Variants in CCNY observed in about 807,000 individuals in gnomAD.
CCNY encodes cyclin-Y.
CCNY carries 19 observed loss-of-function variants against 42.8 expected under a neutral mutation model. That is an observed-to-expected ratio of 0.44 (90% CI 0.31 to 0.65). CCNY has a LOEUF of 0.65. CCNY is among the 30% of genes least tolerant of loss of function. CCNY has a pLI of 0.07. For missense variants in CCNY, 370 were observed against 437.3 expected (o/e 0.85, Z 1.37); for synonymous variants, 165 against 162.7 (o/e 1.01, Z -0.11).
chr10:35,353,279 C>A (rs1261088154), intron 1 of CCNY, among the ~76,000 whole-genome samples: 1 of 152,144 alleles, frequency 6.6e-6, no homozygotes, highest in Non-Finnish European at 1.5e-5. Flanking sequence ...TTGTTCGTAG[C>A]TTAGTCCCCA....
At chr10:35,324,376 T>A (rs1011407910) in intron 3 of CCNY, among the ~76,000 whole-genome samples, 2 of 152,226 alleles carry the variant, frequency 1.3e-5, no homozygotes, top group Non-Finnish European at 2.9e-5. Flanking sequence ...GCAATGCTAA[T>A]CTGAATACCT....
At chr10:35,422,815 A>G (rs576541081) in intron 1 of CCNY, among the ~76,000 whole-genome samples, 119 of 152,320 alleles carry the variant, frequency 7.8e-4, no homozygotes, top group South Asian at 6.6e-3. Context: ...TTTATCCTTC[A>G]TGATTTTTTT....
chr10:35,303,450 G>A (rs889435552), intron 3 of CCNY, among the ~76,000 whole-genome samples: 15 of 151,218 alleles, frequency 9.9e-5, no homozygotes, highest in African/African-American at 3.6e-4. Flanking sequence ...AGAGTGCTAG[G>A]ATTACAGGCG....
intron 1 of CCNY, among the ~76,000 whole-genome samples, chr10:35,400,089 T>G (rs1395722082): frequency 6.6e-6 from 1 of 151,952 alleles, no homozygotes; most frequent in African/African-American, 2.4e-5. Flanking sequence ...ATCGCAGATC[T>G]CCCTTGCCTG....
intron 3 of CCNY, among the ~76,000 whole-genome samples, chr10:35,255,205 T>TG (rs1180617228): frequency 6.6e-6 from 1 of 152,190 alleles, no homozygotes; most frequent in Non-Finnish European, 1.5e-5. Context: ...TTATTGACAG[T>TG]GGGGCATTAA....
chr10:35,367,373 G>T (rs1005141060), intron 1 of CCNY, among the ~76,000 whole-genome samples: 13 of 152,130 alleles, frequency 8.5e-5, no homozygotes, highest in African/African-American at 3.1e-4. Context: ...TGTAAAATGG[G>T]ACAGTAAAAA....
chr10:35,563,845 A>G (rs1228881717), intron 8 of CCNY, among the ~76,000 whole-genome samples: 1 of 145,902 alleles, frequency 6.9e-6, no homozygotes, highest in Non-Finnish European at 1.5e-5. Flanking sequence ...TAGCTGGGAT[A>G]TTAGAGGTGC....
At chr10:35,548,459 A>G (rs1282715662) in intron 7 of CCNY, among the ~76,000 whole-genome samples, 5 of 151,748 alleles carry the variant, frequency 3.3e-5, no homozygotes, top group South Asian at 4.2e-4. Flanking sequence ...CACCATGCCC[A>G]GCTAATTTTT....
rs144019991 is a variant in CCNY at position 35,421,145 on chromosome 10, C to T, written c.155-62259C>T. On this transcript the variant is annotated intron_variant, in intron 1 of 9. Coordinates refer to ENST00000374704, the MANE Select transcript of CCNY (RefSeq NM_145012.6). ...AAGGACCTGGCTGAGGACGGCCACACGGGTTGGACAGGCCGCTTCTGGAGA... is the reference window on the plus strand; with the variant it reads ...AAGGACCTGGCTGAGGACGGCCACATGGGTTGGACAGGCCGCTTCTGGAGA... 5.7e-3 allele frequency among the ~76,000 whole-genome samples: 867 copies of T among 152,268 alleles called. 4 individuals carry two copies. Among genetic ancestry groups the T allele is most frequent in the Middle Eastern group, 0.014 (4 of 294 alleles).
At chr10:35,310,833 G>T (rs1005586773) in intron 3 of CCNY, among the ~76,000 whole-genome samples, 1 of 152,144 alleles carries the variant, frequency 6.6e-6, no homozygotes, top group South Asian at 2.1e-4. Flanking sequence ...TCACCAGGGC[G>T]AGTTCACTAT....
At chr10:35,502,443 T>C (rs554753770) in intron 3 of CCNY, among the ~76,000 whole-genome samples, 8 of 152,346 alleles carry the variant, frequency 5.3e-5, no homozygotes, top group Middle Eastern at 3.4e-3. Flanking sequence ...CTTAAAGCCA[T>C]AATGTTGTAT....
chr10:35,389,597 G>A (rs755112528), intron 1 of CCNY, among the ~76,000 whole-genome samples: 25 of 151,980 alleles, frequency 1.6e-4, no homozygotes, highest in Non-Finnish European at 3.2e-4. Context: ...CTGCCACCAT[G>A]CCCAGCTAAT....
rs373684635 is a variant in CCNY at position 35,347,518 on chromosome 10, T to C, written c.154+10311T>C. 1.7e-4 allele frequency: 120 copies of C among 720,876 alleles called. 3 individuals carry two copies. The East Asian group carries it at 8.3e-3, about 50-fold the overall frequency. 44.7% of individuals were successfully genotyped at this position (720,876 alleles called of 1,614,324 possible). A position where few individuals can be genotyped will look rare whatever the true frequency, so the allele number is the denominator to read the frequency against. On this transcript the variant is annotated intron_variant, in intron 1 of 9. Transcript: ENST00000374704. ...CTGTGAGTGCAGTGCTTACAACATT[T>C]TATAAGCAAGTTCTTTATTTTGGGT...
chr10:35,393,136 T>C (rs1837450713), intron 1 of CCNY, among the ~76,000 whole-genome samples: 1 of 152,180 alleles, frequency 6.6e-6, no homozygotes, highest in South Asian at 2.1e-4. Flanking sequence ...ATTAGGATAG[T>C]CTTAGCATCT....
intron 3 of CCNY, among the ~76,000 whole-genome samples, chr10:35,292,584 C>T (rs929575801): frequency 1.3e-5 from 2 of 152,056 alleles, no homozygotes; most frequent in East Asian, 1.9e-4. Context: ...TGGTCTCAAA[C>T]TCCTGACCTC....
chr10:35,507,754 C>T (rs1396164497), intron 3 of CCNY, among the ~76,000 whole-genome samples: 1 of 149,976 alleles, frequency 6.7e-6, no homozygotes, highest in Non-Finnish European at 1.5e-5. Context: ...CTTTCTCAGT[C>T]TTTCAGGACA....
chr10:35,516,688 T>TTTTTA (rs1554797218), intron 4 of CCNY, 65 bp downstream of exon 4: 5 of 829,336 alleles, frequency 6.0e-6, no homozygotes, highest in Admixed American at 3.0e-5. Context: ...TTTTTTTTTT[T>TTTTTA]ACTTAACTGA....
intron 1 of CCNY, among the ~76,000 whole-genome samples, chr10:35,348,736 G>A (rs944949415): frequency 6.6e-6 from 1 of 152,198 alleles, no homozygotes; most frequent in Non-Finnish European, 1.5e-5. Context: ...CGATGTTTGG[G>A]TGCCTGTGTG....
intron 8 of CCNY, among the ~76,000 whole-genome samples, chr10:35,557,453 G>A (rs1379495389): frequency 6.6e-6 from 1 of 152,118 alleles, no homozygotes; most frequent in African/African-American, 2.4e-5. Flanking sequence ...GTACACAGTT[G>A]ATCAAAATAT....
Sources: gnomAD v4.1 joint callset for allele counts (sites outside exome capture counted in the v4.1 genomes callset) on GRCh38, gnomAD v4.1.1 for gene constraint, MANE v1.5 for transcripts, NCBI Gene and HGNC (gene_info 2026-07-23, HGNC 2026-07-21) for gene names.